PTPRN2: variants seen among roughly 807,000 people sequenced by gnomAD.
The protein encoded by PTPRN2 is protein tyrosine phosphatase receptor type N2, also known as receptor-type tyrosine-protein phosphatase N2.
PTPRN2 carries 74 observed loss-of-function variants against 118.8 expected under a neutral mutation model. The ratio of observed to expected loss-of-function variants is 0.62; its 90% CI spans 0.52 to 0.76. PTPRN2 has a LOEUF of 0.76. Among genes scored for constraint, PTPRN2 ranks in the 30% least tolerant of loss-of-function variants. The pLI, the probability that PTPRN2 is intolerant of heterozygous loss-of-function variation, is 0.00. For missense variants in PTPRN2, 1,481 were observed against 1,394.4 expected (o/e 1.06, Z -0.99); for synonymous variants, 641 against 608.0 (o/e 1.05, Z -0.80).
At chr7:158,543,312 C>T (rs963582140) in intron 1 of PTPRN2, among the ~76,000 whole-genome samples, 4 of 152,150 alleles carry the variant, frequency 2.6e-5, no homozygotes, top group Admixed American at 6.5e-5. Flanking sequence ...GAAGGAAGGC[C>T]CGGAGGGAAG....
intron 13 of PTPRN2, among the ~76,000 whole-genome samples, chr7:157,656,852 A>ACACAC (rs1806145272): frequency 8.2e-6 from 1 of 122,620 alleles, no homozygotes; most frequent in Non-Finnish European, 1.9e-5. Flanking sequence ...CACCACACAC[A>ACACAC]CACACACATC....
At chr7:157,786,724 C>T (rs918840620) in intron 12 of PTPRN2, among the ~76,000 whole-genome samples, 2 of 152,260 alleles carry the variant, frequency 1.3e-5, no homozygotes, top group African/African-American at 2.4e-5. Flanking sequence ...AACATGAATT[C>T]ATGTGGCAGC....
At position 157,794,630 on chromosome 7, in the gene PTPRN2, A is replaced by G. The variant is rs1270884215; in HGVS notation, c.1788+104043T>C. ...CTCTGTGAACACCCACTAAAACCGTAAGTGGGAAAAGTGGGTGCCTTCTGT... is the reference window on the plus strand; with the variant it reads ...CTCTGTGAACACCCACTAAAACCGTGAGTGGGAAAAGTGGGTGCCTTCTGT... On this transcript the variant is annotated intron_variant, in intron 12 of 22. Coordinates refer to ENST00000389418, the MANE Select transcript of PTPRN2 (RefSeq NM_002847.5). This position sits in a 1 kb window ranked among gnomAD's most constrained non-coding sequence, Gnocchi z 5.2. 6.6e-6 allele frequency among the ~76,000 whole-genome samples: 1 copy of G among 152,186 alleles called. No homozygotes were observed. The highest frequency in any genetic ancestry group is 2.4e-5 in the African/African-American group (1 of 41,446).
At chr7:157,743,626 G>A (rs1011709320) in intron 12 of PTPRN2, among the ~76,000 whole-genome samples, 1 of 151,508 alleles carries the variant, frequency 6.6e-6, no homozygotes, top group African/African-American at 2.4e-5. Flanking sequence ...AGCCATGGCT[G>A]GGATAGCTAT....
In PTPRN2 at chr7:158,308,275, G is replaced by A. The variant is rs554828742; in HGVS notation, c.277+8544C>T. On this transcript the variant is annotated intron_variant, in intron 3 of 22. Transcript: ENST00000389418. ...GAAAATCGATCCTTCAAAACTAAAG[G>A]AGAAATCAATACATTCCCAAACAAA... 1.8e-4 allele frequency among the ~76,000 whole-genome samples: 27 copies of A among 152,190 alleles called. 1 individual carries two copies. In the South Asian group the frequency reaches 5.4e-3, roughly 30 times the overall value.
intron 2 of PTPRN2, among the ~76,000 whole-genome samples, chr7:158,363,059 G>A (rs4909074): frequency 0.92 from 140,106 of 152,218 alleles, 64,571 homozygotes; most frequent in Non-Finnish European, 0.94. Context: ...TATGCACCGC[G>A]CGTCATGAGC....
In PTPRN2 at chr7:157,987,583, TTA is replaced by T. The variant is rs1398594374; in HGVS notation, c.1724-88848_1724-88847del. Among the ~76,000 whole-genome samples, 1 of 152,130 alleles carries T rather than the reference TTA, an allele frequency of 6.6e-6. No individual in the cohort carries two copies. Among genetic ancestry groups the T allele is most frequent in the East Asian group, 1.9e-4 (1 of 5,182 alleles). ...AGCTGCCTGGTCCCACTGCTGAGTT[TTA>T]TGTCTGGATGCTGAATAGCTGGAGG... On this transcript the variant is annotated intron_variant, in intron 11 of 22. Coordinates refer to ENST00000389418, the MANE Select transcript of PTPRN2 (RefSeq NM_002847.5). The surrounding 1 kb of genome is among the most constrained non-coding windows in gnomAD (Gnocchi z 4.3).
chr7:157,884,237 C>T (rs1419080524), intron 12 of PTPRN2, among the ~76,000 whole-genome samples: 1 of 152,244 alleles, frequency 6.6e-6, no homozygotes, highest in Non-Finnish European at 1.5e-5. Flanking sequence ...CCCAAAATGA[C>T]TGTCAGAGAC....
chr7:157,820,315 C>T (rs1016809866), intron 12 of PTPRN2, among the ~76,000 whole-genome samples: 1 of 150,466 alleles, frequency 6.6e-6, no homozygotes, highest in Non-Finnish European at 1.5e-5. Flanking sequence ...GACCCACACA[C>T]GTTCACACAC....
In PTPRN2 at chr7:157,610,224, G is replaced by A. The variant is rs935343136; in HGVS notation, c.2345-6149C>T. Among the ~76,000 whole-genome samples, 3 of 152,180 alleles carry A rather than the reference G, an allele frequency of 2.0e-5. No homozygotes were observed. Among genetic ancestry groups the A allele is most frequent in the African/African-American group, 7.2e-5 (3 of 41,432 alleles). ...CCACTGCTGAGTCCAGGGGCCTCAC[G>A]GAACTTGGCAATGGGGTTCCCTCCT... On this transcript the variant is annotated intron_variant, in intron 15 of 22. Transcript: ENST00000389418. This position sits in a 1 kb window ranked among gnomAD's most constrained non-coding sequence, Gnocchi z 5.1.
intron 2 of PTPRN2, among the ~76,000 whole-genome samples, chr7:158,329,077 T>C (rs565853815): frequency 1.7e-4 from 26 of 152,180 alleles, no homozygotes; most frequent in Non-Finnish European, 3.1e-4. Context: ...CAGTGAGGCC[T>C]GGGATGGCAA....
At chr7:157,721,708 TCA>T (rs1799244982) in intron 12 of PTPRN2, among the ~76,000 whole-genome samples, 1 of 152,180 alleles carries the variant, frequency 6.6e-6, no homozygotes, top group African/African-American at 2.4e-5. Flanking sequence ...CACGGTTTCC[TCA>T]CAGATGTTTG....
intron 21 of PTPRN2, among the ~76,000 whole-genome samples, chr7:157,556,962 TATGCACACAC>T (rs1170935823): frequency 6.7e-6 from 1 of 149,154 alleles, no homozygotes; most frequent in Non-Finnish European, 1.5e-5. Flanking sequence ...GCTCATGTCA[TATGCACACAC>T]ATGCACACAC....
At chr7:158,141,198 C>A (rs4909277) in intron 6 of PTPRN2, among the ~76,000 whole-genome samples, 55,417 of 152,118 alleles carry the variant, frequency 0.36, 10,379 homozygotes, top group East Asian at 0.48. Context: ...ACAATAGAAG[C>A]GGAGGAATTA....
chr7:157,860,417 T>A (rs1810144184), intron 12 of PTPRN2, among the ~76,000 whole-genome samples: 1 of 152,164 alleles, frequency 6.6e-6, no homozygotes, highest in Admixed American at 6.5e-5. Flanking sequence ...AGGATCCACG[T>A]CTTGGTTATT....
At chr7:158,528,618 C>G (rs2129448578) in intron 1 of PTPRN2, among the ~76,000 whole-genome samples, 1 of 149,652 alleles carries the variant, frequency 6.7e-6, no homozygotes, top group East Asian at 2.0e-4. Flanking sequence ...AACCCCGTCT[C>G]TACTAAAAAT....
At chr7:158,031,769 C>A (rs2128882548) in intron 11 of PTPRN2, among the ~76,000 whole-genome samples, 1 of 152,252 alleles carries the variant, frequency 6.6e-6, no homozygotes, top group South Asian at 2.1e-4. Flanking sequence ...AATAAAGTGA[C>A]AGATAAAGTC....
At chr7:157,602,757 C>T (rs866842643) in intron 16 of PTPRN2, among the ~76,000 whole-genome samples, 3 of 152,078 alleles carry the variant, frequency 2.0e-5, no homozygotes, top group Non-Finnish European at 4.4e-5. Flanking sequence ...TCAGCAGAGC[C>T]GAGAGCTGAG....
intron 3 of PTPRN2, 38 bp downstream of exon 3, chr7:158,316,781 T>C (rs1230757400): frequency 6.7e-7 from 1 of 1,502,384 alleles, no homozygotes; most frequent in Non-Finnish European, 9.0e-7. Flanking sequence ...GGTCGCTCAG[T>C]GCGGCAGCCG....
Sources: allele counts gnomAD v4.1 joint callset (sites outside exome capture counted in the v4.1 genomes callset), GRCh38; gene constraint gnomAD v4.1.1; non-coding constraint Gnocchi (gnomAD v3.1); transcripts MANE v1.5; gene names NCBI Gene and HGNC (gene_info 2026-07-23, HGNC 2026-07-21).